ZCCHC7: variants seen among roughly 807,000 people sequenced by gnomAD.
ZCCHC7 encodes zinc finger CCHC-type containing 7.
In ZCCHC7, 35 loss-of-function variants were observed where a neutral mutation model predicts 52.0. The observed-to-expected ratio is 0.67, with a 90% CI of 0.51 to 0.89. ZCCHC7 has a LOEUF of 0.89. ZCCHC7 is among the 40% of genes least tolerant of loss of function. The probability of loss-of-function intolerance (pLI) is 0.00; values close to 1 mark genes in which losing one functional copy is unlikely to be tolerated. For synonymous variants in ZCCHC7, 217 were observed against 221.5 expected (o/e 0.98, Z 0.18); for missense variants, 574 against 649.1 (o/e 0.88, Z 1.26).
At chr9:37,309,695 G>A (rs1221418947) in intron 5 of ZCCHC7, among the ~76,000 whole-genome samples, 1 of 152,146 alleles carries the variant, frequency 6.6e-6, no homozygotes, top group Non-Finnish European at 1.5e-5. Context: ...GCCGAGGTAG[G>A]CAGATCACTT....
intron 2 of ZCCHC7, among the ~76,000 whole-genome samples, chr9:37,271,501 T>A (rs1827410590): frequency 6.6e-6 from 1 of 152,184 alleles, no homozygotes; most frequent in South Asian, 2.1e-4. Context: ...AACATCTGAT[T>A]AGTTATTGTT....
chr9:37,200,998 G>A (rs903132090), intron 2 of ZCCHC7, among the ~76,000 whole-genome samples: 1 of 152,258 alleles, frequency 6.6e-6, no homozygotes, highest in East Asian at 1.9e-4. Context: ...TGGAGGGAGA[G>A]CACTAATGGG....
intron 5 of ZCCHC7, among the ~76,000 whole-genome samples, chr9:37,306,505 G>A (rs1280316116): frequency 6.8e-6 from 1 of 147,958 alleles, no homozygotes; most frequent in South Asian, 2.2e-4. Context: ...TCGCTCTGTT[G>A]CCCAGGCTGG....
At chr9:37,332,928 C>G (rs1438015712) in intron 6 of ZCCHC7, among the ~76,000 whole-genome samples, 2 of 151,414 alleles carry the variant, frequency 1.3e-5, no homozygotes, top group African/African-American at 4.8e-5. Context: ...AGAATAAGAT[C>G]ATTTAGATTT....
Position 37,296,809 on chromosome 9 carries a change from C to T in ZCCHC7, c.611-5379C>T, listed in dbSNP as rs139602313. Among the ~76,000 whole-genome samples, 360 of 152,212 alleles carry T rather than the reference C, an allele frequency of 2.4e-3. 7 individuals are homozygous for T. Among genetic ancestry groups the T allele is most frequent in the East Asian group, 0.011 (58 of 5,182 alleles). On this transcript the variant is annotated intron_variant, in intron 2 of 8. Transcript: ENST00000336755. The stretch of plus-strand genomic sequence containing the variant: ...CTTACTGCAGCCTCAACCTCCAGGG[C>T]TCAAGCCCTCCTCCCACCTCAGCCT...
At chr9:37,207,220 T>A (rs1823965877) in intron 2 of ZCCHC7, among the ~76,000 whole-genome samples, 1 of 152,250 alleles carries the variant, frequency 6.6e-6, no homozygotes, top group Admixed American at 6.5e-5. Flanking sequence ...AGTGTAATTT[T>A]GCTTTCATTC....
intron 2 of ZCCHC7, among the ~76,000 whole-genome samples, chr9:37,203,499 C>T (rs1448565562): frequency 6.6e-6 from 1 of 152,040 alleles, no homozygotes; most frequent in Non-Finnish European, 1.5e-5. Flanking sequence ...TGTTCCCCGC[C>T]CTGTGTTTAT....
intron 8 of ZCCHC7, among the ~76,000 whole-genome samples, chr9:37,355,959 G>T (rs1035002236): frequency 1.3e-5 from 2 of 151,954 alleles, no homozygotes; most frequent in Non-Finnish European, 2.9e-5. Flanking sequence ...TATGTTCTTT[G>T]TACTTTTCTG....
chr9:37,191,657 C>T (rs997011073), intron 2 of ZCCHC7, among the ~76,000 whole-genome samples: 8 of 152,058 alleles, frequency 5.3e-5, no homozygotes, highest in African/African-American at 1.7e-4. Context: ...TAAATTAATC[C>T]GATTATACCT....
chr9:37,273,824 G>T (rs1009143347), intron 2 of ZCCHC7, among the ~76,000 whole-genome samples: 1 of 149,458 alleles, frequency 6.7e-6, no homozygotes, highest in South Asian at 2.1e-4. Context: ...TATTCCCTAT[G>T]TGTTTTTTTT....
At chr9:37,129,020 C>G (rs115557601) in intron 2 of ZCCHC7, among the ~76,000 whole-genome samples, 4 of 152,178 alleles carry the variant, frequency 2.6e-5, no homozygotes, top group African/African-American at 9.7e-5. Flanking sequence ...TTGTTGATTT[C>G]AAATTCTCTG....
At chr9:37,207,329 G>T (rs559842311) in intron 2 of ZCCHC7, among the ~76,000 whole-genome samples, 3 of 152,070 alleles carry the variant, frequency 2.0e-5, no homozygotes, top group South Asian at 4.1e-4. Flanking sequence ...TATTTTTTAT[G>T]ATGTCAGTAG....
chr9:37,146,319 G>A (rs971445175), intron 2 of ZCCHC7, among the ~76,000 whole-genome samples: 1 of 151,760 alleles, frequency 6.6e-6, no homozygotes, highest in African/African-American at 2.4e-5. Context: ...TGAATGGATG[G>A]CCCTTGCTTT....
At chr9:37,192,990 G>T (rs1333376438) in intron 2 of ZCCHC7, among the ~76,000 whole-genome samples, 1 of 152,150 alleles carries the variant, frequency 6.6e-6, no homozygotes, top group Non-Finnish European at 1.5e-5. Context: ...TTAGTCATGG[G>T]AAGCACTACT....
At chr9:37,186,755 TG>T in intron 2 of ZCCHC7, 1 of 571,058 alleles carries the variant, frequency 1.8e-6, no homozygotes, top group Non-Finnish European at 3.3e-6. Context: ...GAATTAAAGA[TG>T]GAATGATTCA....
At chr9:37,205,498 C>T (rs1459917290) in intron 2 of ZCCHC7, 1 of 152,500 alleles carries the variant, frequency 6.6e-6, no homozygotes, top group East Asian at 1.9e-4. Flanking sequence ...GTCATCTTGG[C>T]TCTGTTGATG....
At chr9:37,315,007 G>C (rs889039979) in intron 5 of ZCCHC7, among the ~76,000 whole-genome samples, 6 of 151,738 alleles carry the variant, frequency 4.0e-5, no homozygotes, top group African/African-American at 1.5e-4. Flanking sequence ...TGAAAAAACA[G>C]CTGTTTTCTT....
intron 2 of ZCCHC7, among the ~76,000 whole-genome samples, chr9:37,132,569 A>G: frequency 6.6e-6 from 1 of 152,292 alleles, no homozygotes; most frequent in South Asian, 2.1e-4. Flanking sequence ...ACATGTGTGT[A>G]TGCATGTATA....
intron 2 of ZCCHC7, among the ~76,000 whole-genome samples, chr9:37,167,250 G>A (rs930646434): frequency 2.7e-5 from 4 of 148,434 alleles, no homozygotes; most frequent in Admixed American, 6.7e-5. Context: ...ACCAGATATT[G>A]TAGCTTTCCT....
Sources: gnomAD v4.1 joint callset for allele counts (sites outside exome capture counted in the v4.1 genomes callset) on GRCh38, gnomAD v4.1.1 for gene constraint, MANE v1.5 for transcripts, NCBI Gene and HGNC (gene_info 2026-07-23, HGNC 2026-07-21) for gene names.